EPHA3: variants seen among roughly 807,000 people sequenced by gnomAD.
EPHA3 encodes EPH receptor A3.
EPHA3 carries 42 observed loss-of-function variants against 107.1 expected under a neutral mutation model. The ratio of observed to expected loss-of-function variants is 0.39; its 90% CI spans 0.31 to 0.51. The LOEUF (loss-of-function observed/expected upper bound fraction) is 0.51, where lower values mean the gene tolerates loss of function less well. EPHA3 is among the 20% of genes least tolerant of loss of function. EPHA3 has a pLI of 0.78. For synonymous variants in EPHA3, 461 were observed against 424.8 expected, an observed-to-expected ratio of 1.09 and a Z score of -1.05; for missense variants, 1,183 against 1,211.2, an observed-to-expected ratio of 0.98 and a Z score of 0.35.
intron 13 of EPHA3, among the ~76,000 whole-genome samples, chr3:89,435,616 T>C (rs1363301258): frequency 1.4e-5 from 2 of 141,544 alleles, no homozygotes; most frequent in Admixed American, 7.2e-5. Context: ...AAATAAATTA[T>C]ATATGTTATA....
At chr3:89,470,558 A>T (rs957605234) in intron 15 of EPHA3, among the ~76,000 whole-genome samples, 1 of 152,218 alleles carries the variant, frequency 6.6e-6, no homozygotes, top group Non-Finnish European at 1.5e-5. Flanking sequence ...GAAATTCACC[A>T]AGGTCACACA....
At chr3:89,120,814 G>T (rs1220678578) in intron 1 of EPHA3, among the ~76,000 whole-genome samples, 1 of 152,086 alleles carries the variant, frequency 6.6e-6, no homozygotes, top group East Asian at 1.9e-4. Flanking sequence ...CAAAATTATT[G>T]CCCAGGAGAA....
intron 3 of EPHA3, among the ~76,000 whole-genome samples, chr3:89,297,421 G>A (rs1706381122): frequency 6.6e-6 from 1 of 152,272 alleles, no homozygotes; most frequent in African/African-American, 2.4e-5. Context: ...GAAGCAGAGA[G>A]ATAGGAATAC....
intron 12 of EPHA3, 30 bp downstream of exon 12, chr3:89,429,197 AT>A: frequency 6.5e-7 from 1 of 1,548,056 alleles, no homozygotes. Context: ...ATACATATAT[AT>A]GAATAAATTG....
chr3:89,331,979 G>C (rs1707299548), intron 3 of EPHA3, among the ~76,000 whole-genome samples: 1 of 152,094 alleles, frequency 6.6e-6, no homozygotes, highest in Non-Finnish European at 1.5e-5. Context: ...TCTCCAGGCT[G>C]TCTGCTAATA....
chr3:89,431,031 G>A, intron 12 of EPHA3, 119 bp from the exon 13 acceptor site: 1 of 991,604 alleles, frequency 1.0e-6, no homozygotes, highest in Non-Finnish European at 1.5e-6. Context: ...GAGTGCTTAG[G>A]ACTAAAGTGT....
intron 11 of EPHA3, among the ~76,000 whole-genome samples, chr3:89,421,868 A>G (rs1423568036): frequency 6.6e-6 from 1 of 151,248 alleles, no homozygotes; most frequent in Non-Finnish European, 1.5e-5. Context: ...CACTAAAATG[A>G]CTTTTAAAAA....
intron 7 of EPHA3, among the ~76,000 whole-genome samples, chr3:89,404,519 C>T (rs1709020113): frequency 1.3e-5 from 2 of 152,016 alleles, no homozygotes; most frequent in Non-Finnish European, 2.9e-5. Context: ...TGAATAGAAA[C>T]AGAGGGAGCA....
At chr3:89,120,070 A>G (rs1360701623) in intron 1 of EPHA3, among the ~76,000 whole-genome samples, 3 of 152,148 alleles carry the variant, frequency 2.0e-5, no homozygotes, top group African/African-American at 4.8e-5. Flanking sequence ...AAATACCAAG[A>G]TAGACTGATT....
At chr3:89,167,752 A>G (rs759102375) in intron 2 of EPHA3, among the ~76,000 whole-genome samples, 1 of 152,114 alleles carries the variant, frequency 6.6e-6, no homozygotes, top group Non-Finnish European at 1.5e-5. Context: ...GCACATTGCT[A>G]AAACCTGTTA....
chr3:89,259,995 T>A (rs1354724723), intron 3 of EPHA3, among the ~76,000 whole-genome samples: 1 of 152,230 alleles, frequency 6.6e-6, no homozygotes, highest in Non-Finnish European at 1.5e-5. Flanking sequence ...AATAGCAGCA[T>A]CTTCTTTTTC....
rs183105556 is a variant in EPHA3, at chr3:89,193,954, A to G, written c.154-15906A>G. On this transcript the variant is annotated intron_variant, in intron 2 of 16. Coordinates refer to ENST00000336596, the MANE Select transcript of EPHA3 (RefSeq NM_005233.6). ...ATTTATGGTTCTAATGTATTTCATTATTTTTGCTTGTACACACATTCACAT... is the reference window on the plus strand; with the variant it reads ...ATTTATGGTTCTAATGTATTTCATTGTTTTTGCTTGTACACACATTCACAT... Among the ~76,000 whole-genome samples the G allele has an allele frequency of 4.3e-4, 66 of 152,010 alleles. No homozygotes were observed. In the East Asian group the frequency reaches 0.011, roughly 26 times the overall value.
intron 3 of EPHA3, among the ~76,000 whole-genome samples, chr3:89,230,528 T>C (rs1704603413): frequency 6.6e-6 from 1 of 152,084 alleles, no homozygotes; most frequent in Non-Finnish European, 1.5e-5. Context: ...AACTTATGGA[T>C]GAACACTATG....
intron 3 of EPHA3, among the ~76,000 whole-genome samples, chr3:89,324,333 A>G (rs1410620299): frequency 1.3e-5 from 2 of 148,444 alleles, no homozygotes; most frequent in Non-Finnish European, 3.0e-5. Flanking sequence ...ATGCCGTGCT[A>G]TTTTTTTTTG....
intron 6 of EPHA3, among the ~76,000 whole-genome samples, chr3:89,396,342 T>C (rs116557659): frequency 0.011 from 1,720 of 152,306 alleles, 38 homozygotes; most frequent in African/African-American, 0.039. Flanking sequence ...CCTTCAAATT[T>C]ACATGCATTT....
chr3:89,394,996 G>A (rs568170504), intron 5 of EPHA3, among the ~76,000 whole-genome samples: 4 of 152,086 alleles, frequency 2.6e-5, no homozygotes, highest in Non-Finnish European at 5.9e-5. Context: ...GTTTGAAGAA[G>A]GAAATCACTT....
intron 2 of EPHA3, among the ~76,000 whole-genome samples, chr3:89,161,459 C>CT (rs913322117): frequency 5.3e-5 from 8 of 152,126 alleles, no homozygotes; most frequent in Non-Finnish European, 7.4e-5. Context: ...TTATAGCTTA[C>CT]TTTTTTTGAA....
chr3:89,400,230 G>A, intron 7 of EPHA3: 2 of 286,864 alleles, frequency 7.0e-6, no homozygotes, highest in Non-Finnish European at 9.5e-6. Context: ...GTCTTGCTCT[G>A]TCACCCAGGC....
Position 89,419,268 on chromosome 3 carries a change from C to A in EPHA3, c.1952C>A (p.Ala651Asp), listed in dbSNP as rs1276606795. 1 of 1,610,318 alleles carries A rather than the reference C, an allele frequency of 6.2e-7. No individual in the cohort carries two copies. Among genetic ancestry groups the A allele is most frequent in the Non-Finnish European group, 8.5e-7 (1 of 1,177,678 alleles). Residue 651 changes from alanine to aspartate, a missense_variant, in exon 11 of 17, where the codon GCC (alanine) becomes GAC (aspartate). By Grantham distance (126) the Ala-to-Asp change is moderately radical (BLOSUM62 -2). Transcript: ENST00000336596. ...CCTTCAAAAAAAGAGATTTCAGTGG[C>A]CATTAAGACCCTGAAAGTTGGCTAC... is the stretch of plus-strand genomic sequence containing the variant. ...KLPSKKEISV[A>D]IKTLKVGYTE...
Sources: gnomAD v4.1 joint callset for allele counts (sites outside exome capture counted in the v4.1 genomes callset) on GRCh38, gnomAD v4.1.1 for gene constraint, MANE v1.5 for transcripts, NCBI Gene and HGNC (gene_info 2026-07-23, HGNC 2026-07-21) for gene names.